Variants in EFR3A observed in about 807,000 individuals in gnomAD.
The protein encoded by EFR3A is protein EFR3 homolog A.
EFR3A carries 76 observed loss-of-function variants against 104.4 expected under a neutral mutation model. That is an observed-to-expected ratio of 0.73 (90% CI 0.60 to 0.88). EFR3A has a LOEUF of 0.88. Ranked by LOEUF, EFR3A falls within the 40% of genes least tolerant of loss-of-function variation. EFR3A has a pLI of 0.00. For synonymous variants in EFR3A, 330 were observed against 330.0 expected, an observed-to-expected ratio of 1.00 and a Z score of 0.00; for missense variants, 985 against 1,012.5, an observed-to-expected ratio of 0.97 and a Z score of 0.37.
chr8:131,921,959 G>A (rs1275197629), intron 1 of EFR3A, among the ~76,000 whole-genome samples: 1 of 152,160 alleles, frequency 6.6e-6, no homozygotes, highest in Non-Finnish European at 1.5e-5. Flanking sequence ...CAAACTGGGT[G>A]GCTTAAGACA....
At chr8:131,980,757 TAACTC>T (rs1288814996) in intron 14 of EFR3A, among the ~76,000 whole-genome samples, 1 of 151,994 alleles carries the variant, frequency 6.6e-6, no homozygotes, top group East Asian at 1.9e-4. Context: ...TCTCAAAACT[TAACTC>T]CTTCTATCTG....
intron 6 of EFR3A, 31 bp from the exon 7 acceptor site, chr8:131,955,737 G>A (rs1186866936): frequency 1.9e-6 from 3 of 1,586,822 alleles, no homozygotes; most frequent in Non-Finnish European, 2.6e-6. Context: ...TAAAATTCTT[G>A]TGTTTTTCTT....
chr8:131,953,889 C>T lies in EFR3A; in HGVS notation c.560C>T (p.Thr187Ile), dbSNP rs755402725. Reference protein sequence around the residue: ...RKTVNDELRATIWEPQHMDKI... With the variant: ...RKTVNDELRAIIWEPQHMDKI... ...ACAGTCAACGATGAACTTCGGGCCACCATTTGGGAACCTCAGCATATGGAT... is the reference window on the plus strand; with the variant it reads ...ACAGTCAACGATGAACTTCGGGCCATCATTTGGGAACCTCAGCATATGGAT... Residue 187 changes from threonine to isoleucine, a missense_variant, in exon 6 of 23, where the codon ACC becomes ATC. By Grantham distance (89) the Thr-to-Ile change is moderately conservative. Transcript: ENST00000254624. The T allele has an allele frequency of 5.1e-6, 8 of 1,576,110 alleles. No homozygotes were observed. Among genetic ancestry groups the T allele is most frequent in the Non-Finnish European group, 6.9e-6 (8 of 1,158,984 alleles).
At chr8:131,978,488 A>T (rs556024810) in intron 12 of EFR3A, among the ~76,000 whole-genome samples, 1 of 152,122 alleles carries the variant, frequency 6.6e-6, no homozygotes, top group Non-Finnish European at 1.5e-5. Context: ...TAAGCTCCTT[A>T]TATCTGTTTT....
chr8:131,906,219 T>G (rs1168055831), intron 1 of EFR3A, among the ~76,000 whole-genome samples: 1 of 152,216 alleles, frequency 6.6e-6, no homozygotes, highest in African/African-American at 2.4e-5. Flanking sequence ...CAACAATATT[T>G]CTTTGAAATT....
chr8:131,952,616 G>T (rs1419428364), intron 5 of EFR3A, among the ~76,000 whole-genome samples: 1 of 152,128 alleles, frequency 6.6e-6, no homozygotes, highest in South Asian at 2.1e-4. Flanking sequence ...GGCACCTTGT[G>T]TAGGAATGTT....
At chr8:131,927,054 T>C (rs1328698145) in intron 1 of EFR3A, among the ~76,000 whole-genome samples, 5 of 152,110 alleles carry the variant, frequency 3.3e-5, no homozygotes, top group Non-Finnish European at 7.4e-5. Context: ...ACCCTGTGAG[T>C]CTTTCAGAAA....
intron 1 of EFR3A, chr8:131,938,116 C>T (rs1050399352): frequency 2.5e-6 from 1 of 392,448 alleles, no homozygotes; most frequent in African/African-American, 2.1e-5. Context: ...TACAGTACTT[C>T]TGTGCCCTCT....
At chr8:131,969,854 AC>A (rs1430322410) in intron 9 of EFR3A, among the ~76,000 whole-genome samples, 1 of 152,222 alleles carries the variant, frequency 6.6e-6, no homozygotes, top group Non-Finnish European at 1.5e-5. Flanking sequence ...GCATTTAAAC[AC>A]GGCTGCCTTT....
intron 21 of EFR3A, 87 bp from the exon 22 acceptor site, chr8:132,003,149 A>T: frequency 2.7e-6 from 3 of 1,096,826 alleles, no homozygotes; most frequent in Non-Finnish European, 4.0e-6. Context: ...AGTCACAATT[A>T]TACTTTGTCT....
At chr8:131,906,894 C>G (rs1816288367) in intron 1 of EFR3A, among the ~76,000 whole-genome samples, 1 of 152,154 alleles carries the variant, frequency 6.6e-6, no homozygotes, top group South Asian at 2.1e-4. Flanking sequence ...TTCAAAGGAC[C>G]ATTAAGAAGC....
chr8:131,983,392 C>T (rs778241350), intron 14 of EFR3A, among the ~76,000 whole-genome samples: 3 of 151,916 alleles, frequency 2.0e-5, no homozygotes, highest in Non-Finnish European at 4.4e-5. Context: ...GTGATTCCAG[C>T]GGGCAGTTAG....
chr8:131,978,619 C>T (rs1020903944), intron 12 of EFR3A, among the ~76,000 whole-genome samples: 4 of 152,098 alleles, frequency 2.6e-5, no homozygotes, highest in Admixed American at 2.0e-4. Context: ...AGAATCATGC[C>T]TAACACATGG....
chr8:131,967,132 A>G (rs1231839588), intron 8 of EFR3A, among the ~76,000 whole-genome samples: 1 of 152,196 alleles, frequency 6.6e-6, no homozygotes, highest in Non-Finnish European at 1.5e-5. Context: ...CAAGAAGTTC[A>G]GTTTCAGGTT....
chr8:131,921,612 T>G (rs1334841030), intron 1 of EFR3A, among the ~76,000 whole-genome samples: 1 of 152,200 alleles, frequency 6.6e-6, no homozygotes, highest in Admixed American at 6.5e-5. Flanking sequence ...TGGTATAATC[T>G]TTTTTTCTTT....
intron 1 of EFR3A, among the ~76,000 whole-genome samples, chr8:131,925,870 C>T (rs994286378): frequency 6.6e-6 from 1 of 151,976 alleles, no homozygotes. Flanking sequence ...TTTGCTAAGG[C>T]CTAAAACAGA....
chr8:131,926,415 T>C (rs1817300684), intron 1 of EFR3A, among the ~76,000 whole-genome samples: 1 of 152,102 alleles, frequency 6.6e-6, no homozygotes, highest in Non-Finnish European at 1.5e-5. Flanking sequence ...AATGATGAAA[T>C]TGAAGAAATA....
At chr8:131,917,373 A>G (rs1816791327) in intron 1 of EFR3A, among the ~76,000 whole-genome samples, 1 of 152,172 alleles carries the variant, frequency 6.6e-6, no homozygotes, top group Non-Finnish European at 1.5e-5. Context: ...AACAGGCTCT[A>G]TTCTCTGTTT....
Position 132,008,846 on chromosome 8 carries a change from CAAAAAAAA to C in EFR3A, c.2361-1923_2361-1916del, listed in dbSNP as rs55964352. The stretch of plus-strand genomic sequence containing the variant: ...GGGTGACAAGAGTAAAACTCCATCT[CAAAAAAAA>C]AAAAAAAAAAAAAAAAAAAAGAAAG... On this transcript the variant is annotated intron_variant, in intron 22 of 22. Transcript: ENST00000254624. Among the ~76,000 whole-genome samples the C allele has an allele frequency of 7.1e-4, 23 of 32,168 alleles. No homozygotes were observed. The South Asian group carries it at 0.011, about 16-fold the overall frequency. 21.1% of individuals were successfully genotyped at this position (32,168 alleles called of 152,430 possible).
Sources: allele counts gnomAD v4.1 joint callset (sites outside exome capture counted in the v4.1 genomes callset), GRCh38; gene constraint gnomAD v4.1.1; transcripts MANE v1.5; gene names NCBI Gene and HGNC (gene_info 2026-07-23, HGNC 2026-07-21).